Variants in NXPE3 observed in about 807,000 individuals in gnomAD.
The protein encoded by NXPE3 is neurexophilin and PC-esterase domain family member 3.
Under a neutral mutation model 46.1 loss-of-function variants are expected in NXPE3, and 26 were observed. That is an observed-to-expected ratio of 0.56 (90% confidence interval 0.41 to 0.78). NXPE3 has a LOEUF of 0.78. Among genes scored for constraint, NXPE3 ranks in the 30% least tolerant of loss-of-function variants. NXPE3 has a pLI of 0.00. For synonymous variants in NXPE3, 272 were observed against 257.9 expected, an observed-to-expected ratio of 1.05 and a Z score of -0.52; for missense variants, 620 against 686.0, an observed-to-expected ratio of 0.90 and a Z score of 1.07.
At position 101,801,602 on chromosome 3, in the gene NXPE3, A is replaced by T. The variant is rs950049078; in HGVS notation, c.461A>T (p.Gln154Leu). 6.2e-7 allele frequency: 1 copy of T among 1,614,182 alleles called. No homozygotes were observed. Among genetic ancestry groups the T allele is most frequent in the African/African-American group, 1.3e-5 (1 of 75,056 alleles). Residue 154 changes from glutamine to leucine, a missense_variant, in exon 5 of 8, where the codon CAG (glutamine) becomes CTG (leucine). By Grantham distance (113) the Gln-to-Leu change is moderately radical (BLOSUM62 -2). Transcript: ENST00000273347. ...GCCAGAATTCACTCCCTCAAGCTGC[A>T]GGCTGGGGCTGTGGGCAGGGTGGTG... ...LQARIHSLKL[Q>L]AGAVGRVVDY...
At chr3:101,802,460 A>G (rs888676245) in intron 5 of NXPE3, among the ~76,000 whole-genome samples, 3 of 151,910 alleles carry the variant, frequency 2.0e-5, no homozygotes, top group African/African-American at 4.9e-5. Context: ...TATTTTATGT[A>G]AAGAAAAAAA....
chr3:101,810,994 G>A (rs1434212654), intron 6 of NXPE3, among the ~76,000 whole-genome samples: 2 of 151,924 alleles, frequency 1.3e-5, no homozygotes, highest in African/African-American at 4.8e-5. Flanking sequence ...TAATTTTTCT[G>A]TTTTTAGTAG....
intron 5 of NXPE3, 77 bp downstream of exon 5, chr3:101,802,066 G>C: frequency 7.2e-7 from 1 of 1,387,772 alleles, no homozygotes; most frequent in Non-Finnish European, 9.7e-7. Context: ...AGACTTTCTG[G>C]TATTCGGTAT....
At chr3:101,807,494 A>AT (rs1007472069) in intron 6 of NXPE3, among the ~76,000 whole-genome samples, 24 of 145,750 alleles carry the variant, frequency 1.6e-4, no homozygotes, top group African/African-American at 2.3e-4. Context: ...TGATTTTTGC[A>AT]TTTTTTTTTT....
At chr3:101,789,655 A>G (rs1292124254) in intron 4 of NXPE3, among the ~76,000 whole-genome samples, 4 of 152,138 alleles carry the variant, frequency 2.6e-5, no homozygotes, top group African/African-American at 7.2e-5. Context: ...GCTGAATTAC[A>G]TTCTAATTTC....
At chr3:101,815,077 C>G (rs1326724667) in intron 6 of NXPE3, among the ~76,000 whole-genome samples, 3 of 152,214 alleles carry the variant, frequency 2.0e-5, no homozygotes, top group Non-Finnish European at 4.4e-5. Flanking sequence ...TTAGCCATCA[C>G]AGTCTGTTTT....
At chr3:101,817,273 A>T (rs902866698) in intron 7 of NXPE3, among the ~76,000 whole-genome samples, 1 of 152,174 alleles carries the variant, frequency 6.6e-6, no homozygotes, top group African/African-American at 2.4e-5. Flanking sequence ...TTAGGGCTTC[A>T]TTTCTCCATG....
intron 6 of NXPE3, among the ~76,000 whole-genome samples, chr3:101,811,745 T>TG (rs1049322949): frequency 2.0e-5 from 3 of 148,654 alleles, no homozygotes; most frequent in African/African-American, 7.5e-5. Flanking sequence ...TTTTTTTTTT[T>TG]TTTTTTGAGA....
At chr3:101,810,046 A>G (rs560431834) in intron 6 of NXPE3, among the ~76,000 whole-genome samples, 2 of 152,230 alleles carry the variant, frequency 1.3e-5, no homozygotes, top group Non-Finnish European at 2.9e-5. Flanking sequence ...TCATATTTAG[A>G]TTGCCTGAGA....
chr3:101,821,276 A>T, intron 7 of NXPE3, 128 bp from the exon 8 acceptor site: 2 of 693,420 alleles, frequency 2.9e-6, no homozygotes, highest in Non-Finnish European at 4.9e-6. Flanking sequence ...TATTCCCTTT[A>T]CATTTATATT....
Position 101,817,012 on chromosome 3 carries a change from T to C in NXPE3, c.1129+11T>C. On this transcript the variant is annotated intron_variant, in intron 7 of 7. Coordinates refer to ENST00000273347, the MANE Select transcript of NXPE3 (RefSeq NM_145037.4). The stretch of plus-strand genomic sequence containing the variant: ...CTACATTTGTTCCAGGTTGGTACTG[T>C]GCCTTTTGTTTCGTAACTCTTTCCC... The C allele has an allele frequency of 6.2e-7, 1 of 1,612,068 alleles. No homozygotes were observed. Among genetic ancestry groups the C allele is most frequent in the South Asian group, 1.1e-5 (1 of 91,020 alleles).
intron 5 of NXPE3, among the ~76,000 whole-genome samples, chr3:101,804,161 C>G (rs1006597395): frequency 6.6e-6 from 1 of 152,076 alleles, no homozygotes; most frequent in South Asian, 2.1e-4. Flanking sequence ...TATAGAGTTA[C>G]GTTGTCAGTC....
chr3:101,793,871 T>A (rs1472558720), intron 4 of NXPE3, among the ~76,000 whole-genome samples: 4 of 152,000 alleles, frequency 2.6e-5, no homozygotes, highest in African/African-American at 9.7e-5. Context: ...TTGTTTTGCT[T>A]TCCTGTGAAT....
intron 6 of NXPE3, among the ~76,000 whole-genome samples, chr3:101,808,968 C>T (rs562299139): frequency 6.6e-6 from 1 of 151,478 alleles, no homozygotes; most frequent in South Asian, 2.1e-4. Context: ...CCGACATCTT[C>T]AGGAGGCCCT....
chr3:101,821,542 A>G lies in NXPE3; in HGVS notation c.1268A>G (p.His423Arg). 3 of 1,614,206 alleles carry G rather than the reference A, an allele frequency of 1.9e-6. No individual in the cohort carries two copies. Among genetic ancestry groups the G allele is most frequent in the Non-Finnish European group, 2.5e-6 (3 of 1,180,034 alleles). ...RFTTVFSNEL[H>R]YVANELNGIV... ...ACGACTGTCTTTAGCAATGAGCTCC[A>G]TTATGTGGCGAATGAGCTGAATGGC... Residue 423 changes from histidine to arginine, a missense_variant, in exon 8 of 8, where the codon CAT becomes CGT. His to Arg is a conservative substitution (Grantham distance 29). Around this residue, in one of 3 missense-constraint regions of NXPE3, gnomAD observed 511 missense variants for 528.6 expected, o/e 0.97. Coordinates refer to ENST00000273347, the MANE Select transcript of NXPE3 (RefSeq NM_145037.4).
chr3:101,788,741 G>A (rs1422874758), intron 4 of NXPE3, among the ~76,000 whole-genome samples: 3 of 152,056 alleles, frequency 2.0e-5, no homozygotes, highest in Non-Finnish European at 2.9e-5. Context: ...TCAGCCTCCC[G>A]AGTAGCTGGG....
chr3:101,824,391 G>C lies in NXPE3; in HGVS notation c.*2437G>C, dbSNP rs1942399399. The C allele has an allele frequency of 6.6e-6, 1 of 152,204 alleles. No homozygotes were observed. The highest frequency in any genetic ancestry group is 1.5e-5 in the Non-Finnish European group (1 of 68,044). 9.4% of individuals were successfully genotyped at this position (152,204 alleles called of 1,614,324 possible). Reference sequence around the variant, plus strand: ...TAGATCTGAAATAAGGTATGTGAGAGTCCATATCTCTTTTCAGCTAAACTT... The same window carrying C: ...TAGATCTGAAATAAGGTATGTGAGACTCCATATCTCTTTTCAGCTAAACTT... On this transcript the variant is annotated 3_prime_UTR_variant, in exon 8 of 8. Transcript: ENST00000273347.
chr3:101,808,931 G>A (rs1423337803), intron 6 of NXPE3, among the ~76,000 whole-genome samples: 1 of 146,196 alleles, frequency 6.8e-6, no homozygotes, highest in Non-Finnish European at 1.5e-5. Flanking sequence ...TCCTTCAGTA[G>A]TACTGCGCTC....
intron 6 of NXPE3, among the ~76,000 whole-genome samples, chr3:101,809,861 C>A (rs1941633378): frequency 6.6e-6 from 1 of 152,098 alleles, no homozygotes; most frequent in South Asian, 2.1e-4. Flanking sequence ...TTTCTGGCAC[C>A]ACAAGATATT....
Sources: allele counts gnomAD v4.1 joint callset (sites outside exome capture counted in the v4.1 genomes callset), GRCh38; gene constraint gnomAD v4.1.1; regional missense constraint gnomAD v4.1.1; transcripts MANE v1.5; gene names NCBI Gene and HGNC (gene_info 2026-07-23, HGNC 2026-07-21).